The following MED30 variants were observed in gnomAD, a reference collection of about 807,000 sequenced individuals.
MED30 encodes the protein mediator complex subunit 30.
Under a neutral mutation model 21.7 loss-of-function variants are expected in MED30, and 8 were observed. That is an observed-to-expected ratio of 0.37 (90% CI 0.22 to 0.67). The LOEUF is 0.67. MED30 is among the 30% of genes least tolerant of loss of function. The pLI is 0.58. For missense variants in MED30, 203 were observed against 228.2 expected (o/e 0.89, Z 0.71); for synonymous variants, 79 against 86.7 (o/e 0.91, Z 0.49).
At chr8:117,539,123 T>G (rs908236604) in intron 3 of MED30, among the ~76,000 whole-genome samples, 1 of 152,234 alleles carries the variant, frequency 6.6e-6, no homozygotes, top group African/African-American at 2.4e-5. Context: ...GTAGTTTCAA[T>G]TATTATTTCC....
rs757734572 is a variant in MED30, at chr8:117,539,252, G to A, written c.442-631G>A. The stretch of plus-strand genomic sequence containing the variant: ...CTCATGCCTGTAATCCCAGCACTTT[G>A]GGAGGCCAAGACGGGCAGATCACTT... On this transcript the variant is annotated intron_variant, in intron 3 of 3. Coordinates refer to ENST00000297347, the MANE Select transcript of MED30 (RefSeq NM_080651.4). 7.9e-4 allele frequency among the ~76,000 whole-genome samples: 121 copies of A among 152,282 alleles called. 1 individual carries two copies. The highest frequency in any genetic ancestry group is 3.4e-3 in the Middle Eastern group (1 of 292).
chr8:117,533,403 G>A (rs954430262), intron 3 of MED30, among the ~76,000 whole-genome samples: 1 of 152,076 alleles, frequency 6.6e-6, no homozygotes, highest in African/African-American at 2.4e-5. Flanking sequence ...TTCTCCCCAT[G>A]AGGATTTAGC....
At chr8:117,522,861 T>G (rs1443471217) in intron 1 of MED30, among the ~76,000 whole-genome samples, 1 of 152,130 alleles carries the variant, frequency 6.6e-6, no homozygotes, top group Non-Finnish European at 1.5e-5. Flanking sequence ...TAAAAAAAAT[T>G]TTGTCCTGTT....
At chr8:117,536,460 C>T (rs1219223872) in intron 3 of MED30, among the ~76,000 whole-genome samples, 1 of 151,828 alleles carries the variant, frequency 6.6e-6, no homozygotes, top group Non-Finnish European at 1.5e-5. Flanking sequence ...ATTTATATAC[C>T]CCTCAGCTGA....
intron 3 of MED30, among the ~76,000 whole-genome samples, chr8:117,535,479 C>T (rs1054518122): frequency 5.9e-5 from 9 of 151,672 alleles, no homozygotes; most frequent in South Asian, 4.2e-4. Context: ...TCACCTGCCT[C>T]GGCCTCCCAA....
intron 1 of MED30, among the ~76,000 whole-genome samples, chr8:117,524,266 T>C (rs1350387396): frequency 1.3e-5 from 2 of 152,222 alleles, no homozygotes; most frequent in Non-Finnish European, 2.9e-5. Context: ...TAACTATATA[T>C]AACCTAGTGA....
intron 3 of MED30, among the ~76,000 whole-genome samples, chr8:117,533,004 G>A (rs746142178): frequency 1.6e-4 from 24 of 151,778 alleles, no homozygotes; most frequent in Non-Finnish European, 2.9e-4. Context: ...AAAATATAAT[G>A]AAATATGTAT....
At chr8:117,523,178 C>T (rs1290147379) in intron 1 of MED30, 4 of 663,060 alleles carry the variant, frequency 6.0e-6, no homozygotes, top group Non-Finnish European at 1.1e-5. Context: ...TACATGTGGA[C>T]CTGCATTCAA....
intron 1 of MED30, among the ~76,000 whole-genome samples, chr8:117,528,305 T>C (rs1196542727): frequency 1.3e-5 from 2 of 151,830 alleles, no homozygotes; most frequent in African/African-American, 2.4e-5. Flanking sequence ...AACTTCTTGG[T>C]TGAGGTCAGC....
chr8:117,526,857 G>T (rs1204410426), intron 1 of MED30, among the ~76,000 whole-genome samples: 1 of 151,826 alleles, frequency 6.6e-6, no homozygotes, highest in African/African-American at 2.4e-5. Flanking sequence ...GTGATTCTTG[G>T]CATTTCAAAA....
rs993278019 is a variant in MED30, at chr8:117,534,856, T to TTTTTTTG, written c.441+4035_441+4036insGTTTTTT. On this transcript the variant is annotated intron_variant, in intron 3 of 3. Coordinates refer to ENST00000297347, the MANE Select transcript of MED30 (RefSeq NM_080651.4). ...GCTAAAAGGCAAACAAATTGTTTTT[T>TTTTTTTG]TTTTTTTTTTTTACCAAAAGGGCTT... Among the ~76,000 whole-genome samples the TTTTTTTG allele has an allele frequency of 1.6e-4, 24 of 147,802 alleles. No individual in the cohort carries two copies. The South Asian group carries it at 2.1e-3, about 13-fold the overall frequency.
At chr8:117,524,809 C>A (rs908586746) in intron 1 of MED30, among the ~76,000 whole-genome samples, 2 of 152,074 alleles carry the variant, frequency 1.3e-5, no homozygotes, top group East Asian at 3.9e-4. Flanking sequence ...TATATTGTTT[C>A]ATTTTCGCCT....
In MED30 at chr8:117,521,061, G is replaced by A. The variant is rs1437493908; in HGVS notation, c.177+8G>A. 3.2e-6 allele frequency: 5 copies of A among 1,577,946 alleles called. No homozygotes were observed. The highest frequency in any genetic ancestry group is 4.3e-6 in the Non-Finnish European group (5 of 1,157,538). Reference sequence around the variant, plus strand: ...CTCCTGAGGAACATGCAGGTAGGAAGGCGGGCGCGCGAGGCCAGGGGGATG... The same window carrying A: ...CTCCTGAGGAACATGCAGGTAGGAAAGCGGGCGCGCGAGGCCAGGGGGATG... On this transcript the variant is annotated splice_region_variant and intron_variant, in intron 1 of 3. Transcript: ENST00000297347.
At chr8:117,530,076 C>T (rs901411664) in intron 2 of MED30, among the ~76,000 whole-genome samples, 7 of 151,982 alleles carry the variant, frequency 4.6e-5, no homozygotes, top group Admixed American at 2.6e-4. Flanking sequence ...CACACTTATG[C>T]GGTAAATTCC....
At chr8:117,521,249 C>G (rs1332839287) in intron 1 of MED30, among the ~76,000 whole-genome samples, 196 bp downstream of exon 1, 1 of 152,152 alleles carries the variant, frequency 6.6e-6, no homozygotes, top group Non-Finnish European at 1.5e-5. Context: ...GACCAGATTT[C>G]TGCAGAATTG....
chr8:117,536,123 T>C (rs188165534), intron 3 of MED30, among the ~76,000 whole-genome samples: 108 of 152,296 alleles, frequency 7.1e-4, no homozygotes, highest in African/African-American at 2.4e-3. Context: ...GTACCAGAAT[T>C]TCTTCCATGA....
chr8:117,537,936 G>A (rs888170782), intron 3 of MED30, among the ~76,000 whole-genome samples: 1 of 152,170 alleles, frequency 6.6e-6, no homozygotes, highest in East Asian at 1.9e-4. Context: ...CCAAGTTAGA[G>A]GCAAAGTTGG....
intron 2 of MED30, 39 bp from the exon 3 acceptor site, chr8:117,530,684 T>C (rs1385406044): frequency 6.9e-7 from 1 of 1,453,718 alleles, no homozygotes; most frequent in Non-Finnish European, 9.5e-7. Context: ...AAAACTTGAA[T>C]TATATTTTTG....
intron 2 of MED30, among the ~76,000 whole-genome samples, chr8:117,530,040 A>G (rs1240662743): frequency 6.6e-6 from 1 of 152,060 alleles, no homozygotes; most frequent in East Asian, 1.9e-4. Context: ...CACGATGGTA[A>G]AGGCTAGGTG....
Sources: allele counts gnomAD v4.1 joint callset (sites outside exome capture counted in the v4.1 genomes callset), GRCh38; gene constraint gnomAD v4.1.1; transcripts MANE v1.5; gene names NCBI Gene and HGNC (gene_info 2026-07-23, HGNC 2026-07-21).